The following DLGAP1 variants were observed in gnomAD, a reference collection of about 807,000 sequenced individuals.
The protein encoded by DLGAP1 is DLG associated protein 1.
A neutral mutation model predicts 90.8 loss-of-function variants in DLGAP1; 11 were observed. That is an observed-to-expected ratio of 0.12 (90% CI 0.08 to 0.20). DLGAP1 has a LOEUF of 0.20. Ranked by LOEUF, DLGAP1 falls within the 10% of genes least tolerant of loss-of-function variation. The pLI is 1.00. For missense variants in DLGAP1, 1,050 were observed against 1,333.8 expected, an observed-to-expected ratio of 0.79 and a Z score of 3.31; for synonymous variants, 558 against 540.7, an observed-to-expected ratio of 1.03 and a Z score of -0.44.
intron 1 of DLGAP1, among the ~76,000 whole-genome samples, chr18:4,240,357 T>C (rs1014475094): frequency 6.6e-6 from 1 of 152,074 alleles, no homozygotes; most frequent in African/African-American, 2.4e-5. Context: ...CTTAACTTTA[T>C]TTACCAAATA....
At chr18:4,295,745 A>G (rs557793176) in intron 1 of DLGAP1, among the ~76,000 whole-genome samples, 1 of 152,344 alleles carries the variant, frequency 6.6e-6, no homozygotes, top group Admixed American at 6.5e-5. Flanking sequence ...ACCTCTTAGC[A>G]CTGTTTATAA....
intron 5 of DLGAP1, among the ~76,000 whole-genome samples, chr18:3,780,099 C>G (rs1358664515): frequency 6.6e-6 from 1 of 152,088 alleles, no homozygotes; most frequent in Non-Finnish European, 1.5e-5. Flanking sequence ...GTTACTCTTT[C>G]ATAGACCACC....
chr18:3,796,159 T>C (rs1012244504), intron 5 of DLGAP1, among the ~76,000 whole-genome samples: 21 of 152,030 alleles, frequency 1.4e-4, no homozygotes, highest in African/African-American at 4.6e-4. Flanking sequence ...AATGCAGACA[T>C]AGAGAGAGAG....
chr18:3,651,302 G>T (rs1384676719), intron 7 of DLGAP1, among the ~76,000 whole-genome samples: 8 of 151,016 alleles, frequency 5.3e-5, no homozygotes, highest in Non-Finnish European at 8.9e-5. Flanking sequence ...GAGGTTGCAG[G>T]GAGCCGACAA....
At chr18:3,925,023 G>C (rs2072350387) in intron 3 of DLGAP1, among the ~76,000 whole-genome samples, 1 of 152,098 alleles carries the variant, frequency 6.6e-6, no homozygotes, top group Admixed American at 6.5e-5. Context: ...CGTGATCTTG[G>C]CTTACCGCAA....
At chr18:4,422,367 T>G (rs1018119544) in intron 1 of DLGAP1, among the ~76,000 whole-genome samples, 1 of 151,894 alleles carries the variant, frequency 6.6e-6, no homozygotes, top group Non-Finnish European at 1.5e-5. Flanking sequence ...ATAATAACAT[T>G]TTAGTAAAAA....
intron 9 of DLGAP1, among the ~76,000 whole-genome samples, chr18:3,544,959 T>G (rs1044269290): frequency 6.6e-6 from 1 of 152,030 alleles, no homozygotes; most frequent in African/African-American, 2.4e-5. Flanking sequence ...AAAGTCATTT[T>G]AATTTCTCCA....
rs138263831 is a variant in DLGAP1, at chr18:3,608,593, G to A, written c.1592-26345C>T. ...TCAGAACATAATGCCCTAAAATATG[G>A]TGACTTGGCAATTGAGAAAACTGAA... On this transcript the variant is annotated intron_variant, in intron 7 of 12. Coordinates refer to ENST00000315677, the MANE Select transcript of DLGAP1 (RefSeq NM_004746.4). Among the ~76,000 whole-genome samples, 250 of 152,258 alleles carry A rather than the reference G, an allele frequency of 1.6e-3. 2 individuals are homozygous for A. Among genetic ancestry groups the A allele is most frequent in the African/African-American group, 5.6e-3 (234 of 41,550 alleles).
chr18:4,077,797 C>T (rs2075545809), intron 2 of DLGAP1, among the ~76,000 whole-genome samples: 2 of 152,146 alleles, frequency 1.3e-5, no homozygotes, highest in African/African-American at 4.8e-5. Flanking sequence ...TGGATTAAGA[C>T]AGGAGTATAC....
chr18:3,874,282 G>GCT (rs968978936), intron 4 of DLGAP1: 20 of 1,548,408 alleles, frequency 1.3e-5, no homozygotes, highest in African/African-American at 6.9e-5. Context: ...GGTCTGTCTT[G>GCT]CTCTCTCTCT....
rs562212811 is a variant in DLGAP1, at chr18:4,353,563, G to A, written c.-267+101443C>T. On this transcript the variant is annotated intron_variant, in intron 1 of 12. Transcript: ENST00000315677. ...AGCTTTCTGCAGCCTTCTGCTTTTT[G>A]GCTCTTTTTTATAATGAGCAAATTT... is the stretch of plus-strand genomic sequence containing the variant. Among the ~76,000 whole-genome samples the A allele has an allele frequency of 9.6e-4, 146 of 151,926 alleles. 1 individual carries two copies. Among genetic ancestry groups the A allele is most frequent in the Admixed American group, 1.9e-3 (29 of 15,228 alleles).
At chr18:4,214,735 G>A (rs1377302694) in intron 1 of DLGAP1, among the ~76,000 whole-genome samples, 3 of 152,108 alleles carry the variant, frequency 2.0e-5, no homozygotes, top group African/African-American at 7.2e-5. Context: ...TATAAATGTA[G>A]CCAGGGGACT....
At chr18:3,959,771 T>C (rs1286726894) in intron 3 of DLGAP1, among the ~76,000 whole-genome samples, 2 of 152,176 alleles carry the variant, frequency 1.3e-5, no homozygotes, top group Non-Finnish European at 1.5e-5. Flanking sequence ...AAAAAAGTGG[T>C]GAAATTAATG....
intron 7 of DLGAP1, among the ~76,000 whole-genome samples, chr18:3,671,600 A>C (rs2060091248): frequency 6.6e-6 from 1 of 152,230 alleles, no homozygotes; most frequent in African/African-American, 2.4e-5. Flanking sequence ...ATTTAAGACT[A>C]AGATGGAGCC....
intron 5 of DLGAP1, among the ~76,000 whole-genome samples, chr18:3,785,251 G>A (rs1381726049): frequency 6.6e-6 from 1 of 152,150 alleles, no homozygotes; most frequent in African/African-American, 2.4e-5. Context: ...GCTGGAATGG[G>A]TCTTAAGGGC....
At chr18:3,651,333 T>C (rs2059295807) in intron 7 of DLGAP1, among the ~76,000 whole-genome samples, 1 of 152,184 alleles carries the variant, frequency 6.6e-6, no homozygotes, top group Non-Finnish European at 1.5e-5. Context: ...CACTCTAGCC[T>C]GGCGATAGAG....
intron 4 of DLGAP1, among the ~76,000 whole-genome samples, chr18:3,829,321 A>T (rs1283116215): frequency 6.6e-6 from 1 of 152,216 alleles, no homozygotes; most frequent in Admixed American, 6.5e-5. Flanking sequence ...GCTTTTTCAT[A>T]TAGTAATCAT....
chr18:4,373,658 C>G (rs1298810061), intron 1 of DLGAP1, among the ~76,000 whole-genome samples: 1 of 152,196 alleles, frequency 6.6e-6, no homozygotes, highest in East Asian at 1.9e-4. Flanking sequence ...CCTCTCGCCT[C>G]TGCAACATAC....
intron 10 of DLGAP1, among the ~76,000 whole-genome samples, chr18:3,513,210 T>C (rs560621062): frequency 3.3e-4 from 50 of 152,360 alleles, no homozygotes; most frequent in African/African-American, 1.2e-3. Context: ...AATTTCCTTC[T>C]TTTTCAAAGC....
Sources: allele counts gnomAD v4.1 joint callset (sites outside exome capture counted in the v4.1 genomes callset), GRCh38; gene constraint gnomAD v4.1.1; transcripts MANE v1.5; gene names NCBI Gene and HGNC (gene_info 2026-07-23, HGNC 2026-07-21).